KIAA1549L: variants seen among roughly 807,000 people sequenced by gnomAD.
KIAA1549L encodes KIAA1549 like.
A neutral mutation model predicts 160.7 loss-of-function variants in KIAA1549L; 88 were observed. The ratio of observed to expected loss-of-function variants is 0.55; its 90% CI spans 0.46 to 0.65. KIAA1549L has a LOEUF of 0.65. Ranked by LOEUF, KIAA1549L falls within the 30% of genes least tolerant of loss-of-function variation. The probability of loss-of-function intolerance (pLI) is 0.00; values close to 1 mark genes in which losing one functional copy is unlikely to be tolerated. For synonymous variants in KIAA1549L, 950 were observed against 976.7 expected (o/e 0.97, Z 0.51); for missense variants, 2,258 against 2,437.5 (o/e 0.93, Z 1.55).
rs201449683 is a variant in KIAA1549L at position 33,609,902 on chromosome 11, G to A, written c.5215G>A (p.Glu1739Lys). The change falls in exon 15 of 21, where the codon GAA becomes AAA. Residue 1739 changes from glutamate to lysine, a missense_variant. Around this residue, in one of 6 missense-constraint regions of KIAA1549L, gnomAD observed 1,359 missense variants for 1,546.6 expected, o/e 0.88. Transcript: ENST00000658780. The stretch of plus-strand genomic sequence containing the variant: ...GAAGATGTATGAAAAAGCCCCGAAG[G>A]AAATGGAGCATGTTTTGGATCCAGA... ...RKKMYEKAPK[E>K]MEHVLDPDSE... The A allele has an allele frequency of 9.2e-4, 1,488 of 1,613,998 alleles. 1 individual carries two copies. Among genetic ancestry groups the A allele is most frequent in the Non-Finnish European group, 1.2e-3 (1,381 of 1,179,876 alleles).
rs1851732685 is a variant in KIAA1549L at position 33,452,120 on chromosome 11, C to T, written c.238+75231C>T. On this transcript the variant is annotated intron_variant, in intron 1 of 20. Coordinates refer to ENST00000658780, the MANE Select transcript of KIAA1549L (RefSeq NM_012194.3). ...TTAGTTAAAAGAATTAAACAACCCCCTCCCCCACCAAAAAACCATCTTCAT... is the reference window on the plus strand; with the variant it reads ...TTAGTTAAAAGAATTAAACAACCCCTTCCCCCACCAAAAAACCATCTTCAT... Among the ~76,000 whole-genome samples the T allele has an allele frequency of 3.3e-5, 5 of 152,290 alleles. No homozygotes were observed. In the South Asian group the frequency reaches 1.0e-3, roughly 32 times the overall value.
At chr11:33,442,051 T>C in intron 1 of KIAA1549L, among the ~76,000 whole-genome samples, 1 of 151,892 alleles carries the variant, frequency 6.6e-6, no homozygotes, top group Non-Finnish European at 1.5e-5. Context: ...TTTATGGTTT[T>C]AGGTCTAACA....
intron 15 of KIAA1549L, among the ~76,000 whole-genome samples, chr11:33,616,027 A>C (rs1013560494): frequency 3.3e-5 from 5 of 152,186 alleles, no homozygotes; most frequent in African/African-American, 1.2e-4. Flanking sequence ...CACAGTTTAT[A>C]CTATTAGCTT....
At chr11:33,559,700 TG>T (rs1854773474) in intron 6 of KIAA1549L, 48 bp from the exon 7 acceptor site, 1 of 1,553,136 alleles carries the variant, frequency 6.4e-7, no homozygotes, top group Non-Finnish European at 8.9e-7. Context: ...AAACACACCC[TG>T]GTCTTATTTG....
intron 1 of KIAA1549L, among the ~76,000 whole-genome samples, chr11:33,496,201 T>C (rs1181589791): frequency 1.3e-5 from 2 of 152,166 alleles, no homozygotes; most frequent in African/African-American, 4.8e-5. Flanking sequence ...TGACCTCAGG[T>C]GATCCACCTG....
intron 1 of KIAA1549L, 144 bp downstream of exon 1, chr11:33,377,033 A>T (rs896199512): frequency 2.0e-5 from 3 of 152,238 alleles, no homozygotes; most frequent in Non-Finnish European, 4.4e-5. Flanking sequence ...ACTGTCAGAA[A>T]TCTGTCTTTC....
chr11:33,473,157 T>C (rs533251458), intron 1 of KIAA1549L, among the ~76,000 whole-genome samples: 2 of 152,354 alleles, frequency 1.3e-5, no homozygotes, highest in African/African-American at 4.8e-5. Flanking sequence ...TTGTTCATGT[T>C]AATCCATCAA....
At chr11:33,462,835 TTC>T (rs1462433596) in intron 1 of KIAA1549L, among the ~76,000 whole-genome samples, 3 of 151,838 alleles carry the variant, frequency 2.0e-5, no homozygotes, top group African/African-American at 7.3e-5. Context: ...AACGGCAGCT[TTC>T]TCTCTCTCTC....
intron 17 of KIAA1549L, among the ~76,000 whole-genome samples, chr11:33,649,017 A>G (rs1465825098): frequency 2.0e-5 from 3 of 152,214 alleles, no homozygotes; most frequent in Non-Finnish European, 2.9e-5. Context: ...CAAAGTACTC[A>G]GTGAGGAAAC....
intron 9 of KIAA1549L, among the ~76,000 whole-genome samples, chr11:33,569,816 A>G (rs1208580692): frequency 6.6e-6 from 1 of 152,152 alleles, no homozygotes. Flanking sequence ...TGTGAGCTCT[A>G]TAATTTCCAC....
chr11:33,433,486 TG>T (rs1851293440), intron 1 of KIAA1549L, among the ~76,000 whole-genome samples: 1 of 152,220 alleles, frequency 6.6e-6, no homozygotes, highest in Non-Finnish European at 1.5e-5. Context: ...TTTACACTGT[TG>T]GTGGGAATGT....
At chr11:33,565,337 C>T (rs574833177) in intron 8 of KIAA1549L, among the ~76,000 whole-genome samples, 4 of 152,270 alleles carry the variant, frequency 2.6e-5, no homozygotes, top group South Asian at 4.2e-4. Flanking sequence ...AGGGGCACAT[C>T]GTAACAACAG....
chr11:33,597,839 C>T (rs184919160), intron 12 of KIAA1549L, among the ~76,000 whole-genome samples: 1 of 152,308 alleles, frequency 6.6e-6, no homozygotes, highest in East Asian at 1.9e-4. Context: ...GGGAGCCTGG[C>T]TTCCAGGACT....
In KIAA1549L at chr11:33,606,322, T is replaced by C. The variant is rs77317171; in HGVS notation, c.4880-319T>C. Among the ~76,000 whole-genome samples the C allele has an allele frequency of 7.6e-3, 1,150 of 152,288 alleles. 5 individuals carry two copies. The highest frequency in any genetic ancestry group is 0.012 in the Non-Finnish European group (830 of 68,012). Reference sequence around the variant, plus strand: ...ACTTTTCTCACCTCCAACTCAAACATAGAGAAAGAAGTTACTTTTTAATTT... The same window carrying C: ...ACTTTTCTCACCTCCAACTCAAACACAGAGAAAGAAGTTACTTTTTAATTT... On this transcript the variant is annotated intron_variant, in intron 13 of 20. Transcript: ENST00000658780.
chr11:33,622,839 C>T (rs1225907036), intron 16 of KIAA1549L, among the ~76,000 whole-genome samples: 1 of 152,162 alleles, frequency 6.6e-6, no homozygotes, highest in South Asian at 2.1e-4. Context: ...AAAATGAGCC[C>T]GTTTCTCAGA....
At chr11:33,630,157 G>A (rs1851239512) in intron 16 of KIAA1549L, among the ~76,000 whole-genome samples, 1 of 151,834 alleles carries the variant, frequency 6.6e-6, no homozygotes, top group South Asian at 2.1e-4. Context: ...CCAGCTGCAT[G>A]CTGGGAGGAC....
At position 33,583,387 on chromosome 11, in the gene KIAA1549L, G is replaced by A. The variant is rs1235233694; in HGVS notation, c.4452G>A (p.Leu1484=). 2 of 1,605,522 alleles carry A rather than the reference G, an allele frequency of 1.2e-6. No individual in the cohort carries two copies. The highest frequency in any genetic ancestry group is 1.7e-6 in the Non-Finnish European group (2 of 1,176,148). ...ACCTGTGGATCATCGCTGCAGTGCTGGCGCCCATTGCCGTGGTCACGGTCA... is the reference window on the plus strand; with the variant it reads ...ACCTGTGGATCATCGCTGCAGTGCTAGCGCCCATTGCCGTGGTCACGGTCA... ...PNNLWIIAAV[L]APIAVVTVII... is the part of the protein sequence containing the mutation. Residue 1484 remains leucine (L), a synonymous_variant, in exon 11 of 21, where the codon CTG becomes CTA. Coordinates refer to ENST00000658780, the MANE Select transcript of KIAA1549L (RefSeq NM_012194.3).
chr11:33,543,296 C>T lies in KIAA1549L; in HGVS notation c.1733C>T (p.Thr578Met), dbSNP rs1278446427. Reference sequence around the variant, plus strand: ...GGGAAGAATGAAGAGGCAAATGTGACGATTCCTCTCCAGGCCTTTCCAAGG... The same window carrying T: ...GGGAAGAATGAAGAGGCAAATGTGATGATTCCTCTCCAGGCCTTTCCAAGG... ...ILGKNEEANV[T>M]IPLQAFPRKE... The change falls in exon 2 of 21, where the codon ACG becomes ATG. Residue 578 changes from threonine (T) to methionine (M), a missense_variant. By Grantham distance (81) the Thr-to-Met change is moderately conservative. This residue lies in a region of KIAA1549L where 540 missense variants were observed against 465.7 expected (regional missense o/e 1.16). Transcript: ENST00000658780. 9.3e-6 allele frequency: 15 copies of T among 1,613,906 alleles called. No individual in the cohort carries two copies. The highest frequency in any genetic ancestry group is 2.7e-5 in the African/African-American group (2 of 74,932).
At chr11:33,644,919 G>T (rs1043681028) in intron 16 of KIAA1549L, among the ~76,000 whole-genome samples, 2 of 152,200 alleles carry the variant, frequency 1.3e-5, no homozygotes, top group Non-Finnish European at 2.9e-5. Flanking sequence ...AGACACTTAC[G>T]AAGCAAGCAT....
Sources: gnomAD v4.1 joint callset for allele counts (sites outside exome capture counted in the v4.1 genomes callset) on GRCh38, gnomAD v4.1.1 for gene constraint, gnomAD v4.1.1 regional missense constraint, MANE v1.5 for transcripts, NCBI Gene and HGNC (gene_info 2026-07-23, HGNC 2026-07-21) for gene names.